The following DHRSX variants were observed in gnomAD, a reference collection of about 807,000 sequenced individuals.
The protein encoded by DHRSX is polyprenol dehydrogenase.
In DHRSX, 31 loss-of-function variants were observed where a neutral mutation model predicts 34.0. That is an observed-to-expected ratio of 0.91 (90% CI 0.69 to 1.23). The LOEUF is 1.23. DHRSX is among the 50% of genes most tolerant of loss of function. The pLI is 0.00. For synonymous variants in DHRSX, 201 were observed against 183.8 expected (o/e 1.09, Z -0.76); for missense variants, 414 against 428.1 (o/e 0.97, Z 0.29).
chrX:2,353,338 G>A (rs970712817), intron 3 of DHRSX, among the ~76,000 whole-genome samples: 1 of 152,082 alleles, frequency 6.6e-6, no homozygotes, highest in East Asian at 1.9e-4. Flanking sequence ...AAGGGGAGTG[G>A]GGAACTCAGG....
intron 3 of DHRSX, among the ~76,000 whole-genome samples, chrX:2,360,310 C>T (rs1188137438): frequency 1.3e-5 from 2 of 152,214 alleles, no homozygotes; most frequent in South Asian, 2.1e-4. Context: ...TGGGGCCAGG[C>T]GTGGTGGCTC....
chrX:2,238,909 T>C (rs1324439008), intron 6 of DHRSX, among the ~76,000 whole-genome samples: 1 of 151,868 alleles, frequency 6.6e-6, no homozygotes, highest in African/African-American at 2.4e-5. Context: ...TAATATACAA[T>C]GCATGCATGC....
intron 3 of DHRSX, among the ~76,000 whole-genome samples, chrX:2,300,857 C>A (rs2042000674): frequency 6.6e-6 from 1 of 152,144 alleles, no homozygotes; most frequent in Admixed American, 6.5e-5. Flanking sequence ...ATATCTATCA[C>A]CCTGCTGCCT....
chrX:2,237,764 A>G, intron 6 of DHRSX, among the ~76,000 whole-genome samples: 1 of 152,146 alleles, frequency 6.6e-6, no homozygotes, highest in East Asian at 1.9e-4. Context: ...TCAGCCTCCC[A>G]AAGTGTTGGG....
intron 4 of DHRSX, among the ~76,000 whole-genome samples, chrX:2,284,236 G>A (rs1387442320): frequency 6.6e-6 from 1 of 151,750 alleles, no homozygotes; most frequent in Admixed American, 6.6e-5. Flanking sequence ...GAATTCATTT[G>A]TTCATTCATT....
chrX:2,360,941 T>C (rs2042925715), intron 3 of DHRSX, among the ~76,000 whole-genome samples: 1 of 152,078 alleles, frequency 6.6e-6, no homozygotes, highest in Non-Finnish European at 1.5e-5. Flanking sequence ...AGGATGGAGC[T>C]GGAATTTGGG....
chrX:2,264,101 C>T (rs182387685), intron 5 of DHRSX, among the ~76,000 whole-genome samples: 1 of 152,228 alleles, frequency 6.6e-6, no homozygotes, highest in Non-Finnish European at 1.5e-5. Flanking sequence ...TACCATCGCA[C>T]ATTGCTAAGT....
intron 1 of DHRSX, among the ~76,000 whole-genome samples, chrX:2,455,372 T>C: frequency 6.6e-6 from 1 of 151,860 alleles, no homozygotes; most frequent in East Asian, 1.9e-4. Flanking sequence ...GTTGATGAAA[T>C]AATCTCTACA....
chrX:2,405,546 C>T (rs1436620261), intron 3 of DHRSX, among the ~76,000 whole-genome samples: 1 of 151,982 alleles, frequency 6.6e-6, no homozygotes, highest in African/African-American at 2.4e-5. Flanking sequence ...TGGCTCACAC[C>T]TATAATCCCA....
intron 3 of DHRSX, among the ~76,000 whole-genome samples, chrX:2,371,043 G>T (rs73191310): frequency 0.3 from 45,240 of 151,674 alleles, 8,586 homozygotes; most frequent in Non-Finnish European, 0.44. Context: ...GCTTCATGGT[G>T]CTATAGGCAG....
intron 3 of DHRSX, among the ~76,000 whole-genome samples, chrX:2,402,508 G>A (rs1414647075): frequency 6.6e-6 from 1 of 152,220 alleles, no homozygotes; most frequent in Non-Finnish European, 1.5e-5. Flanking sequence ...CCGTGTGGCT[G>A]GACCACGGAT....
intron 1 of DHRSX, among the ~76,000 whole-genome samples, chrX:2,443,512 G>A (rs994508337): frequency 4.6e-5 from 7 of 152,028 alleles, no homozygotes; most frequent in South Asian, 2.1e-4. Flanking sequence ...ACAGCACCCC[G>A]AAACGAGACC....
chrX:2,479,584 C>A (rs192485141), intron 1 of DHRSX, among the ~76,000 whole-genome samples: 1 of 142,506 alleles, frequency 7.0e-6, no homozygotes, highest in South Asian at 2.4e-4. Context: ...GGCCAAGGGA[C>A]GGCACTTAAG....
intron 6 of DHRSX, among the ~76,000 whole-genome samples, chrX:2,226,365 G>T (rs1429696621): frequency 1.3e-5 from 2 of 152,064 alleles, no homozygotes; most frequent in African/African-American, 2.4e-5. Flanking sequence ...CATTCAGTCT[G>T]CCCCACAGCT....
At chrX:2,447,034 C>CGGGTACACACTGAA (rs2044147619) in intron 1 of DHRSX, among the ~76,000 whole-genome samples, 1 of 150,760 alleles carries the variant, frequency 6.6e-6, no homozygotes, top group South Asian at 2.1e-4. Flanking sequence ...GGGACCGCCA[C>CGGGTACACACTGAA]GGGTACACAC....
Position 2,500,830 on chromosome X carries a change from G to GC in DHRSX, c.95dup (p.Phe33LeufsTer11). The GC allele has an allele frequency of 8.9e-7, 1 of 1,129,490 alleles. No homozygotes were observed. Among genetic ancestry groups the GC allele is most frequent in the South Asian group, 3.6e-5 (1 of 27,630 alleles). 70.0% of individuals were successfully genotyped at this position (1,129,490 alleles called of 1,614,324 possible). Reference sequence around the variant, plus strand: ...CGCCCCGCTGACCTGGCTCCAGGAAGCCCCCGCGGCAGCGCCGCAGCAGCT... The same window carrying GC: ...CGCCCCGCTGACCTGGCTCCAGGAAGCCCCCCGCGGCAGCGCCGCAGCAGCT... On this transcript the variant is annotated frameshift_variant, in exon 1 of 7. Transcript: ENST00000334651. LOFTEE classifies it high-confidence loss of function.
At chrX:2,489,350 T>C (rs1231814120) in intron 1 of DHRSX, 3 of 1,613,242 alleles carry the variant, frequency 1.9e-6, no homozygotes, top group African/African-American at 1.3e-5. Context: ...CTGGTAGGTC[T>C]TGGAAAGCTC....
Position 2,425,239 on chromosome X carries a change from T to G in DHRSX, c.175A>C (p.Thr59Pro), listed in dbSNP as rs761161193. ...TGGTDGIGYS[T>P]AKHLARLGMH... ...CCAAGTCTCGCCAGATGCTTCGCTG[T>G]AGAATAGCCAATGCCATCTGTCCCT... Residue 59 changes from threonine (T) to proline (P), a missense_variant, in exon 2 of 7, where the codon ACA becomes CCA. Transcript: ENST00000334651. The G allele has an allele frequency of 1.9e-6, 3 of 1,613,776 alleles. No homozygotes were observed. Among genetic ancestry groups the G allele is most frequent in the African/African-American group, 2.7e-5 (2 of 74,882 alleles).
chrX:2,296,060 G>A (rs1023660459), intron 3 of DHRSX, among the ~76,000 whole-genome samples: 1 of 152,034 alleles, frequency 6.6e-6, no homozygotes, highest in African/African-American at 2.4e-5. Flanking sequence ...CCCAAGCCAC[G>A]CCGGGCATCT....
Sources: gnomAD v4.1 joint callset for allele counts (sites outside exome capture counted in the v4.1 genomes callset) on GRCh38, gnomAD v4.1.1 for gene constraint, MANE v1.5 for transcripts, NCBI Gene and HGNC (gene_info 2026-07-23, HGNC 2026-07-21) for gene names.